Variants in FARP1 observed in about 807,000 individuals in gnomAD.
The protein encoded by FARP1 is FERM, ARHGEF and pleckstrin domain-containing protein 1.
In FARP1, 52 loss-of-function variants were observed where a neutral mutation model predicts 128.8. That is an observed-to-expected ratio of 0.40 (90% CI 0.32 to 0.51). The LOEUF is 0.51. Ranked by LOEUF, FARP1 falls within the 20% of genes least tolerant of loss-of-function variation. The probability of loss-of-function intolerance (pLI) is 0.45; values close to 1 mark genes in which losing one functional copy is unlikely to be tolerated. For missense variants in FARP1, 1,333 were observed against 1,367.9 expected (o/e 0.97, Z 0.40); for synonymous variants, 580 against 551.8 (o/e 1.05, Z -0.72).
At position 98,449,611 on chromosome 13, in the gene FARP1, T is replaced by G. The variant is rs1893087630; in HGVS notation, c.*1294T>G. On this transcript the variant is annotated 3_prime_UTR_variant, in exon 27 of 27. Transcript: ENST00000319562. ...ACCCTCTCTGTGGAGCTCTGACTGG[T>G]GTAGCTGGAAACAAACAGCAACTTG... 6.6e-6 allele frequency: 1 copy of G among 152,630 alleles called. No individual in the cohort carries two copies. Among genetic ancestry groups the G allele is most frequent in the Non-Finnish European group, 1.5e-5 (1 of 68,064 alleles). The allele number at this position is 152,630 out of a possible 1,614,324, so 9.5% of individuals were successfully genotyped here.
intron 2 of FARP1, chr13:98,234,069 T>G (rs987226091): frequency 6.6e-6 from 1 of 152,254 alleles, no homozygotes; most frequent in Non-Finnish European, 1.5e-5. Flanking sequence ...TTCATTTTAT[T>G]TCATCAGGAC....
chr13:98,394,923 T>TC lies in FARP1; in HGVS notation c.1165-299dup, dbSNP rs1890457574. Among the ~76,000 whole-genome samples the TC allele has an allele frequency of 2.0e-5, 3 of 151,850 alleles. No homozygotes were observed. In the South Asian group the frequency reaches 6.2e-4, roughly 32 times the overall value. ...CTAGGTGACAGAGTAAGATCCTGTC[T>TC]CCCCCTCCAAAAAAGAAAAGCAAAG... On this transcript the variant is annotated intron_variant, in intron 12 of 26. Transcript: ENST00000319562.
chr13:98,150,283 G>A (rs9300461), intron 1 of FARP1, among the ~76,000 whole-genome samples: 23,869 of 152,106 alleles, frequency 0.16, 2,383 homozygotes, highest in Middle Eastern at 0.26. Context: ...CACCTGCCTC[G>A]GCTTCCCAAA....
rs777326689 is a variant in FARP1, at chr13:98,409,409, G to T, written c.1486G>T (p.Val496Leu). Residue 496 changes from valine (V) to leucine (L), a missense_variant, in exon 14 of 27, where the codon GTG becomes TTG. By Grantham distance (32) the Val-to-Leu change is conservative (BLOSUM62 1). This residue lies in a region of FARP1 where 1,009 missense variants were observed against 969.8 expected (regional missense o/e 1.04). Coordinates refer to ENST00000319562, the MANE Select transcript of FARP1 (RefSeq NM_005766.4). ...GCAGGGGGGAGTGGCCCCTGCCAACGTGACCTTGTCTCCCAACCTGAGCCC... is the reference window on the plus strand; with the variant it reads ...GCAGGGGGGAGTGGCCCCTGCCAACTTGACCTTGTCTCCCAACCTGAGCCC... ...NSQGGVAPAN[V>L]TLSPNLSPDT... is the part of the protein sequence containing the mutation. 2 of 1,613,898 alleles carry T rather than the reference G, an allele frequency of 1.2e-6. No individual in the cohort carries two copies. The highest frequency in any genetic ancestry group is 1.7e-6 in the Non-Finnish European group (2 of 1,180,000).
intron 26 of FARP1, chr13:98,447,309 G>A (rs1892909962): frequency 6.5e-6 from 1 of 154,470 alleles, no homozygotes; most frequent in Non-Finnish European, 1.4e-5. Flanking sequence ...AGAAGGGGAG[G>A]GGTCCTCAGC....
At chr13:98,315,959 C>G (rs949279312) in intron 2 of FARP1, among the ~76,000 whole-genome samples, 4 of 152,218 alleles carry the variant, frequency 2.6e-5, no homozygotes, top group Non-Finnish European at 5.9e-5. Context: ...AGGCCTCTCC[C>G]TCCTATGGAC....
intron 4 of FARP1, among the ~76,000 whole-genome samples, chr13:98,367,911 TA>T (rs1430717847): frequency 6.6e-6 from 1 of 152,212 alleles, no homozygotes; most frequent in Non-Finnish European, 1.5e-5. Flanking sequence ...CAGTATTTTT[TA>T]AAAATGGATC....
chr13:98,190,656 G>GT (rs924834770), intron 1 of FARP1, among the ~76,000 whole-genome samples: 4 of 152,050 alleles, frequency 2.6e-5, no homozygotes, highest in African/African-American at 9.7e-5. Context: ...TCAGCTCCTG[G>GT]TCTCAAGCCA....
At chr13:98,369,730 G>GT (rs113766499) in intron 5 of FARP1, among the ~76,000 whole-genome samples, 6,504 of 152,230 alleles carry the variant, frequency 0.043, 164 homozygotes, top group Middle Eastern at 0.095. Context: ...ATTCCATGGT[G>GT]TATGTGTGCC....
chr13:98,233,668 G>A (rs771871432), intron 2 of FARP1: 2 of 152,192 alleles, frequency 1.3e-5, no homozygotes, highest in Non-Finnish European at 2.9e-5. Flanking sequence ...TGGAAATCAC[G>A]TACTGCTCAA....
intron 1 of FARP1, among the ~76,000 whole-genome samples, chr13:98,158,878 C>T (rs985469799): frequency 6.6e-6 from 1 of 152,150 alleles, no homozygotes; most frequent in Non-Finnish European, 1.5e-5. Context: ...CCTGCCTGTT[C>T]ACCTGGAGGA....
At chr13:98,188,981 T>C (rs1220416128) in intron 1 of FARP1, among the ~76,000 whole-genome samples, 1 of 152,186 alleles carries the variant, frequency 6.6e-6, no homozygotes, top group Non-Finnish European at 1.5e-5. Context: ...ATAAGGCCCA[T>C]GAAGGCTCGC....
chr13:98,178,152 A>G (rs1311664109), intron 1 of FARP1, among the ~76,000 whole-genome samples: 1 of 151,220 alleles, frequency 6.6e-6, no homozygotes, highest in East Asian at 1.9e-4. Flanking sequence ...TGGCCCCTCC[A>G]CACGCCAATT....
chr13:98,184,227 C>T (rs562056934), intron 1 of FARP1, among the ~76,000 whole-genome samples: 1 of 152,178 alleles, frequency 6.6e-6, no homozygotes, highest in East Asian at 1.9e-4. Flanking sequence ...AAGCGATTCT[C>T]CTGCCTCAGC....
intron 13 of FARP1, chr13:98,396,604 G>A: frequency 5.0e-6 from 2 of 398,176 alleles, no homozygotes; most frequent in East Asian, 3.6e-5. Context: ...TTTGTTAGAG[G>A]AGATTTTGGA....
rs1481933103 is a variant in FARP1 at position 98,277,738 on chromosome 13, G to A, written c.171+64325G>A. 2.0e-5 allele frequency among the ~76,000 whole-genome samples: 3 copies of A among 152,158 alleles called. No homozygotes were observed. The East Asian group carries it at 5.8e-4, about 29-fold the overall frequency. ...TGCGGCGCCTGTTTCAGGTTCTCAA[G>A]AAACATGGTATTCAGTTCATTGAGA... is the stretch of plus-strand genomic sequence containing the variant. On this transcript the variant is annotated intron_variant, in intron 2 of 26. Coordinates refer to ENST00000319562, the MANE Select transcript of FARP1 (RefSeq NM_005766.4).
chr13:98,267,306 C>T (rs1445276996), intron 2 of FARP1, among the ~76,000 whole-genome samples: 1 of 152,164 alleles, frequency 6.6e-6, no homozygotes, highest in African/African-American at 2.4e-5. Context: ...TAAACTTGGC[C>T]TCTGCACCTC....
chr13:98,323,387 CTTTT>C (rs71792049), intron 2 of FARP1, among the ~76,000 whole-genome samples: 2 of 133,528 alleles, frequency 1.5e-5, no homozygotes, highest in Non-Finnish European at 3.2e-5. Flanking sequence ...ATTCACATGG[CTTTT>C]TTTTTTTTTT....
intron 2 of FARP1, among the ~76,000 whole-genome samples, chr13:98,216,342 C>G (rs1377865977): frequency 6.6e-6 from 1 of 152,118 alleles, no homozygotes. Flanking sequence ...AGACTCAGCT[C>G]CCCAGTCTTG....
Sources: allele counts gnomAD v4.1 joint callset (sites outside exome capture counted in the v4.1 genomes callset), GRCh38; gene constraint gnomAD v4.1.1; regional missense constraint gnomAD v4.1.1; transcripts MANE v1.5; gene names NCBI Gene and HGNC (gene_info 2026-07-23, HGNC 2026-07-21).